CRISPLD2: variants seen among roughly 807,000 people sequenced by gnomAD.
The protein encoded by CRISPLD2 is cysteine rich secretory protein LCCL domain containing 2, also known as cysteine-rich secretory protein LCCL domain-containing 2.
Under a neutral mutation model 71.1 loss-of-function variants are expected in CRISPLD2, and 47 were observed. The observed-to-expected ratio is 0.66, with a 90% CI of 0.52 to 0.84. CRISPLD2 has a LOEUF of 0.84. CRISPLD2 is among the 40% of genes least tolerant of loss of function. The pLI, the probability that CRISPLD2 is intolerant of heterozygous loss-of-function variation, is 0.00. For missense variants in CRISPLD2, 830 were observed against 651.1 expected (o/e 1.27, Z -2.99); for synonymous variants, 317 against 250.1 (o/e 1.27, Z -2.52).
intron 3 of CRISPLD2, among the ~76,000 whole-genome samples, chr16:84,848,050 G>A (rs1311608666): frequency 6.6e-6 from 1 of 152,236 alleles, no homozygotes; most frequent in Non-Finnish European, 1.5e-5. Context: ...AGGGCACACA[G>A]ACTTCCCCCT....
intron 1 of CRISPLD2, among the ~76,000 whole-genome samples, chr16:84,821,060 TG>T (rs1916219390): frequency 6.6e-6 from 1 of 152,232 alleles, no homozygotes; most frequent in South Asian, 2.1e-4. Flanking sequence ...GTTGCTGCCC[TG>T]GCTGAGAGAA....
chr16:84,906,596 C>G lies in CRISPLD2; in HGVS notation c.1448C>G (p.Thr483Ser). Residue 483 changes from threonine (T) to serine (S), a missense_variant, in exon 15 of 15, where the codon ACT (threonine) becomes AGT (serine). Transcript: ENST00000262424. Reference sequence around the variant, plus strand: ...TTTCTTCTTTTTTTCAGCCTGGGGACTCCTCGGGATGGAAAGGCCTTCCGG... The same window carrying G: ...TTTCTTCTTTTTTTCAGCCTGGGGAGTCCTCGGGATGGAAAGGCCTTCCGG... ...RNGVQSESLGTPRDGKAFRIF... is the reference protein window; with the variant it reads ...RNGVQSESLGSPRDGKAFRIF... 5 of 1,613,072 alleles carry G rather than the reference C, an allele frequency of 3.1e-6. No homozygotes were observed. The highest frequency in any genetic ancestry group is 3.4e-6 in the Non-Finnish European group (4 of 1,180,028).
At chr16:84,850,331 C>T (rs567789479) in intron 4 of CRISPLD2, among the ~76,000 whole-genome samples, 223 of 152,208 alleles carry the variant, frequency 1.5e-3, no homozygotes, top group African/African-American at 3.9e-3. Flanking sequence ...CCTCATGATC[C>T]GCCCACCTCA....
chr16:84,865,781 A>C (rs1183685868), intron 6 of CRISPLD2, among the ~76,000 whole-genome samples: 2 of 152,228 alleles, frequency 1.3e-5, no homozygotes, highest in Non-Finnish European at 2.9e-5. Flanking sequence ...GATTCTGGTG[A>C]GCAGTTTGTA....
At chr16:84,894,503 C>A (rs750112754) in intron 14 of CRISPLD2, among the ~76,000 whole-genome samples, 1 of 152,132 alleles carries the variant, frequency 6.6e-6, no homozygotes, top group African/African-American at 2.4e-5. Flanking sequence ...GCGCTAGGGA[C>A]TGGGGACACT....
intron 13 of CRISPLD2, among the ~76,000 whole-genome samples, chr16:84,882,096 C>G (rs1383446784): frequency 1.3e-5 from 2 of 151,930 alleles, no homozygotes; most frequent in African/African-American, 4.8e-5. Flanking sequence ...CCAAATTCTA[C>G]CATTAAGAGA....
At chr16:84,889,787 T>C (rs1034377206) in intron 14 of CRISPLD2, among the ~76,000 whole-genome samples, 1 of 151,092 alleles carries the variant, frequency 6.6e-6, no homozygotes, top group Non-Finnish European at 1.5e-5. Context: ...TGTGTGTGTG[T>C]GTGCATTTTT....
intron 3 of CRISPLD2, among the ~76,000 whole-genome samples, chr16:84,847,085 G>A (rs1327064409): frequency 6.6e-6 from 1 of 152,234 alleles, no homozygotes; most frequent in Non-Finnish European, 1.5e-5. Context: ...ACCCATCCAG[G>A]ACCTGGATTG....
At chr16:84,861,835 T>C (rs562438019) in intron 6 of CRISPLD2, among the ~76,000 whole-genome samples, 11 of 152,116 alleles carry the variant, frequency 7.2e-5, no homozygotes, top group Non-Finnish European at 1.5e-4. Context: ...GAGGCTTAGA[T>C]GGGAAGATCG....
intron 4 of CRISPLD2, among the ~76,000 whole-genome samples, chr16:84,850,316 C>G (rs1248793212): frequency 1.3e-5 from 2 of 152,000 alleles, no homozygotes; most frequent in Admixed American, 6.6e-5. Flanking sequence ...GTCTCAAACT[C>G]CTGACCTCAT....
At chr16:84,845,345 C>G (rs1286907207) in intron 2 of CRISPLD2, among the ~76,000 whole-genome samples, 1 of 152,150 alleles carries the variant, frequency 6.6e-6, no homozygotes, top group Admixed American at 6.5e-5. Context: ...CTGGATCATG[C>G]GTAGTAAGGA....
intron 3 of CRISPLD2, chr16:84,849,171 C>G (rs1917002729): frequency 5.5e-6 from 3 of 546,996 alleles, no homozygotes; most frequent in Non-Finnish European, 9.9e-6. Flanking sequence ...ACCTCGGCCT[C>G]CCTCCCTCCT....
intron 2 of CRISPLD2, among the ~76,000 whole-genome samples, chr16:84,843,250 C>T (rs908937695): frequency 6.6e-6 from 1 of 152,210 alleles, no homozygotes; most frequent in Non-Finnish European, 1.5e-5. Context: ...CCCTGCCACT[C>T]AGCCCGGCAC....
At chr16:84,892,147 G>A (rs2071668366) in intron 14 of CRISPLD2, among the ~76,000 whole-genome samples, 1 of 152,156 alleles carries the variant, frequency 6.6e-6, no homozygotes, top group Non-Finnish European at 1.5e-5. Flanking sequence ...GTGGTGGCAG[G>A]GCAGGAGGTC....
intron 11 of CRISPLD2, among the ~76,000 whole-genome samples, chr16:84,877,025 G>C (rs78037275): frequency 0.054 from 8,151 of 152,242 alleles, 729 homozygotes; most frequent in African/African-American, 0.19. Flanking sequence ...GCACTGGAAA[G>C]CTGGGCTCCC....
intron 2 of CRISPLD2, among the ~76,000 whole-genome samples, chr16:84,844,080 G>A (rs762007308): frequency 1.3e-5 from 2 of 152,246 alleles, no homozygotes; most frequent in East Asian, 1.9e-4. Context: ...AGCATCTGTC[G>A]GGAGGACTCC....
intron 6 of CRISPLD2, among the ~76,000 whole-genome samples, chr16:84,855,289 T>C (rs554840874): frequency 3.3e-5 from 5 of 152,122 alleles, no homozygotes; most frequent in Admixed American, 6.6e-5. Context: ...TATATAAATA[T>C]GTATATATGA....
At chr16:84,856,752 C>T (rs1412497488) in intron 6 of CRISPLD2, among the ~76,000 whole-genome samples, 1 of 152,142 alleles carries the variant, frequency 6.6e-6, no homozygotes, top group East Asian at 1.9e-4. Context: ...AAGGCCATTC[C>T]ACTGTTCTAT....
intron 1 of CRISPLD2, among the ~76,000 whole-genome samples, chr16:84,837,510 G>A (rs1431430523): frequency 1.5e-4 from 23 of 151,262 alleles, no homozygotes; most frequent in Admixed American, 3.3e-4. Flanking sequence ...TCCGCCTCCC[G>A]GGTTCACGCC....
Sources: gnomAD v4.1 joint callset for allele counts (sites outside exome capture counted in the v4.1 genomes callset) on GRCh38, gnomAD v4.1.1 for gene constraint, MANE v1.5 for transcripts, NCBI Gene and HGNC (gene_info 2026-07-23, HGNC 2026-07-21) for gene names.